TXNDC11: variants seen among roughly 807,000 people sequenced by gnomAD.
TXNDC11 encodes thioredoxin domain-containing protein 11.
Under a neutral mutation model 78.0 loss-of-function variants are expected in TXNDC11, and 68 were observed. The observed-to-expected ratio is 0.87, with a 90% CI of 0.72 to 1.07. The LOEUF is 1.07. TXNDC11 is among the 50% of genes least tolerant of loss of function. The pLI is 0.00. For synonymous variants in TXNDC11, 571 were observed against 495.2 expected (o/e 1.15, Z -2.03); for missense variants, 1,389 against 1,221.8 (o/e 1.14, Z -2.04).
intron 7 of TXNDC11, among the ~76,000 whole-genome samples, chr16:11,695,864 T>C (rs1490460892): frequency 5.9e-5 from 9 of 151,704 alleles, no homozygotes; most frequent in Admixed American, 4.6e-4. Context: ...CGAAACCCCA[T>C]CTCTACAGAA....
intron 1 of TXNDC11, among the ~76,000 whole-genome samples, chr16:11,741,652 A>G (rs1349741208): frequency 6.6e-6 from 1 of 152,226 alleles, no homozygotes; most frequent in Middle Eastern, 3.2e-3. Flanking sequence ...TTAAAAAATT[A>G]TATTTACTTG....
At chr16:11,697,812 C>A (rs996557141) in intron 7 of TXNDC11, among the ~76,000 whole-genome samples, 1 of 152,202 alleles carries the variant, frequency 6.6e-6, no homozygotes, top group East Asian at 1.9e-4. Context: ...GGAAGCTCAA[C>A]AGCAGCCACA....
intron 11 of TXNDC11, among the ~76,000 whole-genome samples, chr16:11,681,434 C>A (rs1453851012): frequency 6.6e-6 from 1 of 152,214 alleles, no homozygotes; most frequent in African/African-American, 2.4e-5. Context: ...CACTCTCCAT[C>A]AATGTCCCTA....
intron 4 of TXNDC11, among the ~76,000 whole-genome samples, chr16:11,728,170 G>C (rs1170462115): frequency 9.2e-5 from 14 of 152,168 alleles, no homozygotes; most frequent in Admixed American, 9.2e-4. Context: ...AACCATGACA[G>C]TGGTTTCATT....
Position 11,679,310 on chromosome 16 carries a change from T to A in TXNDC11, c.2762A>T (p.His921Leu), listed in dbSNP as rs146844027. The change falls in exon 12 of 12, where the codon CAC becomes CTC. Residue 921 changes from histidine to leucine, a missense_variant. His to Leu is a moderately conservative substitution (Grantham distance 99). Transcript: ENST00000283033. This position sits in a 1 kb window ranked among gnomAD's most constrained non-coding sequence, Gnocchi z 4.6. ...GGCTGAGGGCTCAGGCTGCTTGGGG[T>A]GGACCTCTCTCTGGGCCGCCAGGCT... ...AESLAAQREV[H>L]PKQPEPSATP... 1.2e-6 allele frequency: 2 copies of A among 1,612,402 alleles called. No homozygotes were observed. The highest frequency in any genetic ancestry group is 1.7e-6 in the Non-Finnish European group (2 of 1,179,704).
intron 5 of TXNDC11, among the ~76,000 whole-genome samples, chr16:11,703,039 G>T (rs1348576957): frequency 1.1e-4 from 16 of 152,150 alleles, no homozygotes; most frequent in Admixed American, 1.0e-3. Context: ...AGGCCTTTTT[G>T]TATCTGACTC....
At chr16:11,707,025 A>C (rs2051200566) in intron 5 of TXNDC11, among the ~76,000 whole-genome samples, 1 of 152,214 alleles carries the variant, frequency 6.6e-6, no homozygotes, top group Non-Finnish European at 1.5e-5. Flanking sequence ...TTGAGTATGC[A>C]AATTCTGGTA....
chr16:11,711,388 T>C (rs189049831), intron 5 of TXNDC11, among the ~76,000 whole-genome samples: 7 of 152,328 alleles, frequency 4.6e-5, no homozygotes, highest in Admixed American at 1.3e-4. Flanking sequence ...TGAGTCTCAC[T>C]AGGCTAAAAT....
At chr16:11,693,304 A>G (rs1298351131) in intron 7 of TXNDC11, among the ~76,000 whole-genome samples, 1 of 152,204 alleles carries the variant, frequency 6.6e-6, no homozygotes, top group Non-Finnish European at 1.5e-5. Context: ...CAAAAAGAAT[A>G]TTTCGTTACC....
intron 10 of TXNDC11, among the ~76,000 whole-genome samples, chr16:11,686,603 T>C (rs1445887161): frequency 6.6e-6 from 1 of 152,266 alleles, no homozygotes; most frequent in Admixed American, 6.5e-5. Context: ...CCATTTTATT[T>C]TATCAACACA....
intron 5 of TXNDC11, among the ~76,000 whole-genome samples, chr16:11,712,334 T>C (rs925458324): frequency 6.6e-5 from 10 of 152,108 alleles, no homozygotes; most frequent in Non-Finnish European, 8.8e-5. Flanking sequence ...CCACTCTGCA[T>C]GCGGTTTCTT....
At position 11,734,084 on chromosome 16, in the gene TXNDC11, A is replaced by T. The variant is rs773675091; in HGVS notation, c.472-5T>A. On this transcript the variant is annotated splice_polypyrimidine_tract_variant and splice_region_variant and intron_variant, in intron 2 of 11. Coordinates refer to ENST00000283033, the MANE Select transcript of TXNDC11 (RefSeq NM_015914.7). ...GTTAATTGCCACAAACAACACCTGC[A>T]GAGCCAAAAAAGGTTTTCAAATGAC... 9 of 1,585,118 alleles carry T rather than the reference A, an allele frequency of 5.7e-6. No individual in the cohort carries two copies. The highest frequency in any genetic ancestry group is 7.7e-6 in the Non-Finnish European group (9 of 1,170,250).
chr16:11,701,318 G>A (rs1317124314), intron 5 of TXNDC11, among the ~76,000 whole-genome samples: 7 of 151,532 alleles, frequency 4.6e-5, no homozygotes, highest in African/African-American at 1.7e-4. Flanking sequence ...TGTATTTTTA[G>A]TAGAGACGGG....
At chr16:11,697,559 G>A (rs777450455) in intron 7 of TXNDC11, among the ~76,000 whole-genome samples, 21 of 152,314 alleles carry the variant, frequency 1.4e-4, no homozygotes, top group Non-Finnish European at 2.6e-4. Context: ...AGATGAAGCC[G>A]AAGACAGGCA....
rs766760416 is a variant in TXNDC11, at chr16:11,679,841, G to C, written c.2235-4C>G. 6.2e-7 allele frequency: 1 copy of C among 1,601,870 alleles called. No homozygotes were observed. Among genetic ancestry groups the C allele is most frequent in the African/African-American group, 1.3e-5 (1 of 74,570 alleles). ...GTATTTCACACTTAGGTCCTTTCTG[G>C]AGAGAGAGGGAAAGGAAGCAAAGAC... On this transcript the variant is annotated splice_region_variant and splice_polypyrimidine_tract_variant and intron_variant, in intron 11 of 11. Coordinates refer to ENST00000283033, the MANE Select transcript of TXNDC11 (RefSeq NM_015914.7). The surrounding 1 kb of genome is among the most constrained non-coding windows in gnomAD (Gnocchi z 4.6).
chr16:11,726,170 G>A (rs998909293), intron 4 of TXNDC11, among the ~76,000 whole-genome samples: 14 of 152,020 alleles, frequency 9.2e-5, no homozygotes, highest in African/African-American at 1.7e-4. Flanking sequence ...GAAGCACCTC[G>A]CCAGGCCTCT....
chr16:11,741,368 G>C (rs1179205296), intron 1 of TXNDC11, among the ~76,000 whole-genome samples: 1 of 152,162 alleles, frequency 6.6e-6, no homozygotes. Context: ...AATTTTGTAT[G>C]TGTGTACATT....
At chr16:11,737,912 G>A (rs1485032587) in intron 1 of TXNDC11, among the ~76,000 whole-genome samples, 1 of 149,102 alleles carries the variant, frequency 6.7e-6, no homozygotes, top group Non-Finnish European at 1.5e-5. Flanking sequence ...CTGCCAGACA[G>A]GATAAAGCAA....
intron 7 of TXNDC11, among the ~76,000 whole-genome samples, chr16:11,696,168 G>T (rs2050854783): frequency 6.6e-6 from 1 of 152,002 alleles, no homozygotes; most frequent in Non-Finnish European, 1.5e-5. Context: ...ACAAAACCCG[G>T]CCTCCTTCCT....
Sources: gnomAD v4.1 joint callset for allele counts (sites outside exome capture counted in the v4.1 genomes callset) on GRCh38, gnomAD v4.1.1 for gene constraint, Gnocchi (gnomAD v3.1) non-coding constraint, MANE v1.5 for transcripts, NCBI Gene and HGNC (gene_info 2026-07-23, HGNC 2026-07-21) for gene names.